Variants in ASB5 observed in about 807,000 individuals in gnomAD.
ASB5 encodes the protein ankyrin repeat and SOCS box containing 5.
ASB5 carries 45 observed loss-of-function variants against 42.1 expected under a neutral mutation model. The ratio of observed to expected loss-of-function variants is 1.07; its 90% CI spans 0.84 to 1.37. The LOEUF (loss-of-function observed/expected upper bound fraction) is 1.37. Ranked by LOEUF, ASB5 falls within the 40% of genes most tolerant of loss-of-function variation. The pLI, the probability that ASB5 is intolerant of heterozygous loss-of-function variation, is 0.00. For synonymous variants in ASB5, 147 were observed against 150.6 expected (o/e 0.98, Z 0.18); for missense variants, 402 against 399.8 (o/e 1.01, Z -0.05).
intron 1 of ASB5, among the ~76,000 whole-genome samples, chr4:176,268,374 A>T (rs574486343): frequency 6.6e-6 from 1 of 152,320 alleles, no homozygotes; most frequent in African/African-American, 2.4e-5. Flanking sequence ...TCAGAAAAAC[A>T]CATGTCGTCA....
chr4:176,275,715 C>T (rs1363953168), intron 2 of ASB5: 1 of 152,204 alleles, frequency 6.6e-6, no homozygotes, highest in Non-Finnish European at 1.5e-5. Flanking sequence ...GTGCTTCTAT[C>T]CTGGAGGAAG....
In ASB5 at chr4:176,251,548, T is replaced by C. The variant is rs2126970019; in HGVS notation, c.196+17365A>G. ...CTGCACTCCAGCCTGGGCGACACAG[T>C]GAGACTCTGTCTCATTAAAAAAAAA... On this transcript the variant is annotated intron_variant, in intron 1 of 6. Transcript: ENST00000296525. Among the ~76,000 whole-genome samples, 2 of 60,884 alleles carry C rather than the reference T, an allele frequency of 3.3e-5. 1 individual carries two copies. Among genetic ancestry groups the C allele is most frequent in the Admixed American group, 5.3e-4 (2 of 3,804 alleles). The allele number at this position is 60,884 out of a possible 152,430, so 39.9% of individuals were successfully genotyped here. A position where few individuals can be genotyped will look rare whatever the true frequency, so the allele number is the denominator to read the frequency against.
At chr4:176,225,401 C>G in intron 1 of ASB5, 60 bp from the exon 2 acceptor site, 1 of 1,367,590 alleles carries the variant, frequency 7.3e-7, no homozygotes, top group Non-Finnish European at 1.0e-6. Flanking sequence ...AAAGTGAATC[C>G]CAGTAGACAC....
chr4:176,269,087 G>C lies in ASB5; in HGVS notation c.22C>G (p.Arg8Gly). ...TTGGATAATTGTTGAGCAAACGGCC[G>C]ATTTTCTTCTAACACCGACATTGCT... MSVLEEN[R>G]PFAQQLSNVY... The change falls in exon 1 of 7, where the codon CGG (arginine) becomes GGG (glycine). Residue 8 changes from arginine to glycine, a missense_variant. Arg to Gly is a moderately radical substitution (Grantham distance 125, BLOSUM62 -2). Coordinates refer to ENST00000296525, the MANE Select transcript of ASB5 (RefSeq NM_080874.4). 6.2e-7 allele frequency: 1 copy of C among 1,609,992 alleles called. No homozygotes were observed. Among genetic ancestry groups the C allele is most frequent in the South Asian group, 1.1e-5 (1 of 90,504 alleles).
chr4:176,219,575 GATATATATATATAT>G (rs71597433), intron 5 of ASB5, among the ~76,000 whole-genome samples: 238 of 6,000 alleles, frequency 0.04, 26 homozygotes, highest in African/African-American at 0.14. Flanking sequence ...ATATTTGTAT[GATATATATATATAT>G]ATATATATAT....
intron 1 of ASB5, among the ~76,000 whole-genome samples, chr4:176,225,966 C>T (rs997392610): frequency 6.6e-6 from 1 of 152,202 alleles, no homozygotes; most frequent in Non-Finnish European, 1.5e-5. Flanking sequence ...CCAACCATTA[C>T]CTTGTTGCTG....
At chr4:176,235,548 C>G (rs887831609) in intron 1 of ASB5, among the ~76,000 whole-genome samples, 13 of 152,188 alleles carry the variant, frequency 8.5e-5, no homozygotes, top group South Asian at 2.1e-4. Context: ...AATCATATAG[C>G]TAGAGCATTA....
intron 1 of ASB5, among the ~76,000 whole-genome samples, chr4:176,240,974 GCA>G (rs1344130366): frequency 6.6e-6 from 1 of 152,094 alleles, no homozygotes; most frequent in Admixed American, 6.6e-5. Flanking sequence ...GCGCGTCCAT[GCA>G]CAGTGTCAAC....
chr4:176,237,240 C>T, intron 1 of ASB5: 1 of 976,722 alleles, frequency 1.0e-6, no homozygotes, highest in Non-Finnish European at 1.2e-6. Context: ...CAAAAACAGG[C>T]CAATGTGGTT....
intron 1 of ASB5, among the ~76,000 whole-genome samples, chr4:176,227,852 C>T (rs1023523673): frequency 6.6e-6 from 1 of 152,192 alleles, no homozygotes; most frequent in African/African-American, 2.4e-5. Flanking sequence ...TAACAGCATA[C>T]ATCTCTCTGG....
chr4:176,243,181 G>T (rs72706402), intron 1 of ASB5, among the ~76,000 whole-genome samples: 1 of 152,026 alleles, frequency 6.6e-6, no homozygotes, highest in East Asian at 1.9e-4. Context: ...AATTTACTGA[G>T]ACATACTTTA....
rs200442347 is a variant in ASB5, at chr4:176,269,087, G to T, written c.22C>A (p.Arg8=). 54 of 1,609,994 alleles carry T rather than the reference G, an allele frequency of 3.4e-5. No individual in the cohort carries two copies. The Admixed American group carries it at 7.6e-4, about 23-fold the overall frequency. The change falls in exon 1 of 7, where the codon CGG becomes AGG. Residue 8 remains arginine (R), a synonymous_variant. Transcript: ENST00000296525. The stretch of plus-strand genomic sequence containing the variant: ...TTGGATAATTGTTGAGCAAACGGCC[G>T]ATTTTCTTCTAACACCGACATTGCT... MSVLEEN[R]PFAQQLSNVY...
Position 176,254,914 on chromosome 4 carries a change from G to A in ASB5, c.196+13999C>T, listed in dbSNP as rs532415245. Among the ~76,000 whole-genome samples, 18 of 152,190 alleles carry A rather than the reference G, an allele frequency of 1.2e-4. No homozygotes were observed. In the South Asian group the frequency reaches 1.9e-3, roughly 16 times the overall value. On this transcript the variant is annotated intron_variant, in intron 1 of 6. Transcript: ENST00000296525. Reference sequence around the variant, plus strand: ...TGGGAGGCCGAGGCGAGTGGATCACGAGGTCAGGCGTTTGAGACCAGCCTG... The same window carrying A: ...TGGGAGGCCGAGGCGAGTGGATCACAAGGTCAGGCGTTTGAGACCAGCCTG...
rs908922036 is a variant in ASB5 at position 176,214,106 on chromosome 4, A to G, written c.*1494T>C. On this transcript the variant is annotated 3_prime_UTR_variant, in exon 7 of 7. Coordinates refer to ENST00000296525, the MANE Select transcript of ASB5 (RefSeq NM_080874.4). ...GTGAATATGCTACAGCTTTATTTCT[A>G]TGTTTGAAAATCTCAACAAACGTTT... 1.3e-5 allele frequency: 2 copies of G among 152,116 alleles called. No individual in the cohort carries two copies. The highest frequency in any genetic ancestry group is 2.4e-5 in the African/African-American group (1 of 41,452). The allele number at this position is 152,116 out of a possible 1,614,324, so 9.4% of individuals were successfully genotyped here. A position where few individuals can be genotyped will look rare whatever the true frequency, so the allele number is the denominator to read the frequency against.
intron 1 of ASB5, chr4:176,275,976 T>G (rs1279616307): frequency 2.0e-5 from 3 of 152,170 alleles, no homozygotes; most frequent in African/African-American, 7.2e-5. Flanking sequence ...GATAAAATAA[T>G]ATGTGAAAAG....
intron 1 of ASB5, among the ~76,000 whole-genome samples, chr4:176,259,639 G>A (rs941596297): frequency 3.3e-5 from 5 of 152,126 alleles, no homozygotes; most frequent in South Asian, 2.1e-4. Flanking sequence ...GGGACTTTGC[G>A]GCATTATGAT....
At position 176,215,581 on chromosome 4, in the gene ASB5, T is replaced by C. The variant is rs1420141016; in HGVS notation, c.*19A>G. On this transcript the variant is annotated 3_prime_UTR_variant, in exon 7 of 7. Transcript: ENST00000296525. The stretch of plus-strand genomic sequence containing the variant: ...ATAGAAATTTTGATTTTCAAGGTAT[T>C]TAGAATTACTTTACTGTTTTATCGA... The C allele has an allele frequency of 3.1e-6, 5 of 1,601,864 alleles. No homozygotes were observed. The highest frequency in any genetic ancestry group is 4.3e-6 in the Non-Finnish European group (5 of 1,174,340).
At chr4:176,220,593 T>A (rs895219962) in intron 5 of ASB5, among the ~76,000 whole-genome samples, 3 of 152,164 alleles carry the variant, frequency 2.0e-5, no homozygotes, top group African/African-American at 7.2e-5. Context: ...GGAATGTTTT[T>A]CAGGGGACTA....
At chr4:176,234,634 T>A (rs7654683) in intron 1 of ASB5, among the ~76,000 whole-genome samples, 2,893 of 152,258 alleles carry the variant, frequency 0.019, 106 homozygotes, top group African/African-American at 0.066. Flanking sequence ...TGAATGTTTG[T>A]TGCATGAATG....
Sources: gnomAD v4.1 joint callset for allele counts (sites outside exome capture counted in the v4.1 genomes callset) on GRCh38, gnomAD v4.1.1 for gene constraint, MANE v1.5 for transcripts, NCBI Gene and HGNC (gene_info 2026-07-23, HGNC 2026-07-21) for gene names.